Variants in RORA observed in about 807,000 individuals in gnomAD.
RORA encodes the protein nuclear receptor ROR-alpha.
Under a neutral mutation model 69.5 loss-of-function variants are expected in RORA, and 7 were observed. That is an observed-to-expected ratio of 0.10 (90% CI 0.06 to 0.19). The LOEUF (loss-of-function observed/expected upper bound fraction) is 0.19. Among genes scored for constraint, RORA ranks in the 10% least tolerant of loss-of-function variants. RORA has a pLI of 1.00. For synonymous variants in RORA, 261 were observed against 240.8 expected (o/e 1.08, Z -0.78); for missense variants, 457 against 663.0 (o/e 0.69, Z 3.41).
chr15:60,585,479 A>G (rs1352471419), intron 2 of RORA, among the ~76,000 whole-genome samples: 3 of 152,334 alleles, frequency 2.0e-5, no homozygotes, highest in African/African-American at 4.8e-5. Flanking sequence ...ATTACCCCCC[A>G]AAAGCTACTG....
intron 1 of RORA, among the ~76,000 whole-genome samples, chr15:60,901,226 C>A (rs1381791887): frequency 6.6e-6 from 1 of 151,976 alleles, no homozygotes; most frequent in East Asian, 1.9e-4. Flanking sequence ...GGATGCAGTG[C>A]AGTGGTGCGA....
At chr15:60,914,407 T>A (rs1170583437) in intron 1 of RORA, among the ~76,000 whole-genome samples, 2 of 152,184 alleles carry the variant, frequency 1.3e-5, no homozygotes, top group Non-Finnish European at 2.9e-5. Context: ...CACTCCTCCT[T>A]ACATACAACC....
chr15:60,677,219 G>C (rs1161002996), intron 2 of RORA: 1 of 456,000 alleles, frequency 2.2e-6, no homozygotes. Flanking sequence ...GAAGCGCTCT[G>C]TACCATGCCT....
chr15:60,704,206 G>A, intron 1 of RORA, among the ~76,000 whole-genome samples: 1 of 152,326 alleles, frequency 6.6e-6, no homozygotes, highest in Non-Finnish European at 1.5e-5. Flanking sequence ...TAAAGTTAAG[G>A]TTTCTCCCGA....
At chr15:60,921,175 T>C (rs1892033777) in intron 1 of RORA, among the ~76,000 whole-genome samples, 1 of 152,172 alleles carries the variant, frequency 6.6e-6, no homozygotes, top group Non-Finnish European at 1.5e-5. Context: ...GCAATTCCAC[T>C]GCCAGGATAT....
intron 1 of RORA, among the ~76,000 whole-genome samples, chr15:61,138,308 A>G (rs2079263838): frequency 6.6e-6 from 1 of 152,210 alleles, no homozygotes; most frequent in African/African-American, 2.4e-5. Context: ...TCAAAAAAGA[A>G]GTACTTAAAA....
In RORA at chr15:60,743,394, G is replaced by T. The variant is rs561611256; in HGVS notation, c.167-64708C>A. Among the ~76,000 whole-genome samples the T allele has an allele frequency of 4.7e-4, 71 of 152,260 alleles. 1 individual carries two copies. In the South Asian group the frequency reaches 5.4e-3, roughly 12 times the overall value. On this transcript the variant is annotated intron_variant, in intron 1 of 10. Coordinates refer to ENST00000335670, the MANE Select transcript of RORA (RefSeq NM_134261.3). ...ACTTAGGCTAATTTCCATAGCAAAG[G>T]TTAAGTAGCTACTTATTAATTGGCC...
intron 1 of RORA, among the ~76,000 whole-genome samples, chr15:60,806,479 T>C (rs2072661389): frequency 6.6e-6 from 1 of 152,192 alleles, no homozygotes; most frequent in Admixed American, 6.5e-5. Flanking sequence ...CTCTTATCAG[T>C]ATTACTAACG....
chr15:60,978,021 T>C (rs953470292), intron 1 of RORA, among the ~76,000 whole-genome samples: 4 of 152,032 alleles, frequency 2.6e-5, no homozygotes, highest in Non-Finnish European at 4.4e-5. Flanking sequence ...GTTTAATTTT[T>C]TGAGGTACTG....
In RORA at chr15:61,218,175, T is replaced by TTGTGTGTGTGTGTG. The variant is rs72135304; in HGVS notation, c.166+10864_166+10877dup. Reference sequence around the variant, plus strand: ...AGGGTAAATATTTTACATGAAATGTTTGTGTGTGTGTGTGTGTGTGTGTGT... The same window carrying TTGTGTGTGTGTGTG: ...AGGGTAAATATTTTACATGAAATGTTTGTGTGTGTGTGTGTGTGTGTGTGTGTGTGTGTGTGTGT... On this transcript the variant is annotated intron_variant, in intron 1 of 10. Transcript: ENST00000335670. Among the ~76,000 whole-genome samples, 163 of 148,396 alleles carry TTGTGTGTGTGTGTG rather than the reference T, an allele frequency of 1.1e-3. 1 individual carries two copies. Among genetic ancestry groups the TTGTGTGTGTGTGTG allele is most frequent in the African/African-American group, 3.2e-3 (129 of 40,402 alleles).
intron 1 of RORA, among the ~76,000 whole-genome samples, chr15:60,771,890 C>T (rs955644862): frequency 6.6e-6 from 1 of 152,130 alleles, no homozygotes; most frequent in Admixed American, 6.5e-5. Context: ...CACGGTGCTG[C>T]AGTGCATTTA....
rs561141580 is a variant in RORA, at chr15:60,993,599, C to G, written c.166+235454G>C. ...CGGAGGTTGCAGTGAGCTAAGATCA[C>G]GCCACTGCACTCCAACCTGGGTGAC... On this transcript the variant is annotated intron_variant, in intron 1 of 10. Transcript: ENST00000335670. Among the ~76,000 whole-genome samples the G allele has an allele frequency of 2.1e-5, 3 of 140,676 alleles. No individual in the cohort carries two copies. In the South Asian group the frequency reaches 7.0e-4, roughly 33 times the overall value. The allele number at this position is 140,676 out of a possible 152,430, so 92.3% of individuals were successfully genotyped here. A position where few individuals can be genotyped will look rare whatever the true frequency, so the allele number is the denominator to read the frequency against.
intron 1 of RORA, among the ~76,000 whole-genome samples, chr15:61,129,959 A>T (rs1467055124): frequency 2.6e-5 from 4 of 152,212 alleles, no homozygotes; most frequent in African/African-American, 4.8e-5. Context: ...AACAACAAGA[A>T]ATGAAAGGTG....
intron 1 of RORA, among the ~76,000 whole-genome samples, chr15:61,002,966 CTAAAAA>C (rs1894788156): frequency 1.9e-5 from 2 of 103,200 alleles, no homozygotes; most frequent in Non-Finnish European, 3.8e-5. Context: ...CCCGTCTCTA[CTAAAAA>C]TACAAAAAAA....
intron 2 of RORA, among the ~76,000 whole-genome samples, chr15:60,536,421 C>T (rs1214144242): frequency 6.6e-6 from 1 of 152,216 alleles, no homozygotes; most frequent in African/African-American, 2.4e-5. Context: ...AGAAAAGCTG[C>T]TTATCCTCCA....
chr15:60,995,219 G>T, intron 1 of RORA, among the ~76,000 whole-genome samples: 1 of 151,974 alleles, frequency 6.6e-6, no homozygotes, highest in Non-Finnish European at 1.5e-5. Context: ...CAGATGCTCA[G>T]CTGAGCCAGT....
chr15:60,920,639 A>G (rs982601017), intron 1 of RORA, among the ~76,000 whole-genome samples: 1 of 152,254 alleles, frequency 6.6e-6, no homozygotes, highest in Non-Finnish European at 1.5e-5. Context: ...TTCATAGTTA[A>G]CAGCGAGCTA....
chr15:61,004,263 GAAGA>G (rs1318196578), intron 1 of RORA, among the ~76,000 whole-genome samples: 1 of 150,342 alleles, frequency 6.7e-6, no homozygotes, highest in African/African-American at 2.4e-5. Context: ...AGAGGAGAGA[GAAGA>G]GAGAGGGAGA....
chr15:60,525,466 A>C (rs2066323131), intron 3 of RORA, among the ~76,000 whole-genome samples: 1 of 152,228 alleles, frequency 6.6e-6, no homozygotes, highest in Non-Finnish European at 1.5e-5. Context: ...CCTACAGTTC[A>C]TTAACATACC....
Sources: allele counts gnomAD v4.1 joint callset (sites outside exome capture counted in the v4.1 genomes callset), GRCh38; gene constraint gnomAD v4.1.1; transcripts MANE v1.5; gene names NCBI Gene and HGNC (gene_info 2026-07-23, HGNC 2026-07-21).